The following CDH12 variants were observed in gnomAD, a reference collection of about 807,000 sequenced individuals.
CDH12 encodes the protein cadherin-12.
In CDH12, 41 loss-of-function variants were observed where a neutral mutation model predicts 74.1. The ratio of observed to expected loss-of-function variants is 0.55; its 90% CI spans 0.43 to 0.72. The LOEUF is 0.72. CDH12 is among the 30% of genes least tolerant of loss of function. CDH12 has a pLI of 0.00. For missense variants in CDH12, 945 were observed against 977.2 expected (o/e 0.97, Z 0.44); for synonymous variants, 399 against 355.0 (o/e 1.12, Z -1.39).
chr5:22,354,142 C>T (rs567560754), intron 3 of CDH12, among the ~76,000 whole-genome samples: 46 of 152,044 alleles, frequency 3.0e-4, no homozygotes, highest in African/African-American at 1.1e-3. Flanking sequence ...ATCAAATTAT[C>T]GAAGGCAAAA....
intron 1 of CDH12, among the ~76,000 whole-genome samples, chr5:22,772,510 G>A (rs1042079740): frequency 1.5e-4 from 23 of 151,932 alleles, no homozygotes; most frequent in Admixed American, 1.4e-3. Context: ...TCATTTCACC[G>A]AGGAATAAAA....
chr5:22,358,337 G>A (rs1232410035), intron 3 of CDH12, among the ~76,000 whole-genome samples: 5 of 147,872 alleles, frequency 3.4e-5, no homozygotes, highest in Non-Finnish European at 7.5e-5. Flanking sequence ...TGAACCCGGA[G>A]GCGGAGGTTG....
At chr5:21,773,108 T>C (rs1745407054) in intron 11 of CDH12, among the ~76,000 whole-genome samples, 2 of 152,160 alleles carry the variant, frequency 1.3e-5, no homozygotes, top group Non-Finnish European at 2.9e-5. Flanking sequence ...TATGGTGATG[T>C]TAATGATTAT....
chr5:22,467,249 T>C (rs559480620), intron 2 of CDH12, among the ~76,000 whole-genome samples: 1 of 152,176 alleles, frequency 6.6e-6, no homozygotes, highest in Non-Finnish European at 1.5e-5. Context: ...AAATTTTAAC[T>C]GTTTAGCGAG....
At chr5:22,193,386 A>T (rs540782456) in intron 4 of CDH12, among the ~76,000 whole-genome samples, 1 of 152,350 alleles carries the variant, frequency 6.6e-6, no homozygotes, top group Non-Finnish European at 1.5e-5. Context: ...ATGTTAGATG[A>T]TGGGGAAACT....
intron 3 of CDH12, among the ~76,000 whole-genome samples, chr5:22,356,320 T>C (rs752815821): frequency 6.6e-6 from 1 of 152,140 alleles, no homozygotes; most frequent in Non-Finnish European, 1.5e-5. Flanking sequence ...TCATATCACA[T>C]TTAGATAACA....
intron 2 of CDH12, among the ~76,000 whole-genome samples, chr5:22,454,211 T>A (rs1281028477): frequency 2.6e-5 from 4 of 152,208 alleles, no homozygotes; most frequent in African/African-American, 9.6e-5. Context: ...AGCTTTCTAG[T>A]TCAATTTGCA....
rs565439562 is a variant in CDH12 at position 22,016,146 on chromosome 5, A to G, written c.232-40761T>C. 3.3e-5 allele frequency among the ~76,000 whole-genome samples: 5 copies of G among 152,246 alleles called. No homozygotes were observed. In the East Asian group the frequency reaches 9.7e-4, roughly 29 times the overall value. ...TGCCATTCACTGATATTTGGGGATC[A>G]CTGAATACATTAGGAAACGGAGAAC... On this transcript the variant is annotated intron_variant, in intron 5 of 14. Transcript: ENST00000382254.
chr5:22,051,401 C>A (rs1305730579), intron 5 of CDH12, among the ~76,000 whole-genome samples: 1 of 152,030 alleles, frequency 6.6e-6, no homozygotes, highest in Non-Finnish European at 1.5e-5. Flanking sequence ...TAATTCTATA[C>A]ATAATTTTTA....
chr5:21,784,171 A>G (rs1382360162), intron 10 of CDH12, among the ~76,000 whole-genome samples: 1 of 152,132 alleles, frequency 6.6e-6, no homozygotes, highest in African/African-American at 2.4e-5. Context: ...ATGTTGCCCT[A>G]CGTGAAGCAA....
intron 1 of CDH12, among the ~76,000 whole-genome samples, chr5:22,509,514 A>G (rs1172586318): frequency 6.6e-6 from 1 of 152,190 alleles, no homozygotes; most frequent in Non-Finnish European, 1.5e-5. Context: ...AAGTCAGAGG[A>G]GTGGTAACTG....
chr5:22,705,397 G>T (rs1228476762), intron 1 of CDH12, among the ~76,000 whole-genome samples: 1 of 151,504 alleles, frequency 6.6e-6, no homozygotes, highest in African/African-American at 2.4e-5. Context: ...TGATTCTTGA[G>T]ATTTTGGTAG....
chr5:22,284,633 A>T (rs1325123416), intron 3 of CDH12, among the ~76,000 whole-genome samples: 1 of 152,154 alleles, frequency 6.6e-6, no homozygotes, highest in African/African-American at 2.4e-5. Flanking sequence ...TAACCTATTC[A>T]TGGAAATTAC....
chr5:22,123,921 T>G (rs1342912811), intron 4 of CDH12, among the ~76,000 whole-genome samples: 5 of 151,796 alleles, frequency 3.3e-5, no homozygotes, highest in Admixed American at 3.3e-4. Context: ...TTTCCTTGAG[T>G]TTTTTAATTT....
intron 1 of CDH12, among the ~76,000 whole-genome samples, chr5:22,579,365 A>G (rs1317667530): frequency 6.6e-6 from 1 of 152,190 alleles, no homozygotes; most frequent in African/African-American, 2.4e-5. Context: ...TTCCGATTTA[A>G]TGACTTTTGT....
intron 5 of CDH12, among the ~76,000 whole-genome samples, chr5:22,072,479 T>G (rs961200895): frequency 2.0e-5 from 3 of 152,082 alleles, no homozygotes; most frequent in African/African-American, 7.2e-5. Context: ...TTCTTCCATC[T>G]TTTGGACGGA....
intron 9 of CDH12, among the ~76,000 whole-genome samples, chr5:21,811,720 T>TTTG (rs1554033198): frequency 6.6e-6 from 1 of 151,144 alleles, no homozygotes; most frequent in Non-Finnish European, 1.5e-5. Flanking sequence ...TTTTTTTTTT[T>TTTG]TTTACAGTTT....
intron 5 of CDH12, among the ~76,000 whole-genome samples, chr5:22,020,101 A>G (rs1580122406): frequency 6.6e-6 from 1 of 152,338 alleles, no homozygotes; most frequent in East Asian, 1.9e-4. Context: ...ATTCAGATAC[A>G]TGTTGAGGTT....
chr5:22,362,998 G>T (rs1740881359), intron 3 of CDH12, among the ~76,000 whole-genome samples: 1 of 149,584 alleles, frequency 6.7e-6, no homozygotes, highest in Admixed American at 6.7e-5. Flanking sequence ...GAGTTAATGG[G>T]TGCAGCACAC....
Sources: allele counts gnomAD v4.1 joint callset (sites outside exome capture counted in the v4.1 genomes callset), GRCh38; gene constraint gnomAD v4.1.1; transcripts MANE v1.5; gene names NCBI Gene and HGNC (gene_info 2026-07-23, HGNC 2026-07-21).